Variants in DOCK8 observed in about 807,000 individuals in gnomAD.
DOCK8 encodes the protein dedicator of cytokinesis 8, also known as dedicator of cytokinesis protein 8.
A neutral mutation model predicts 245.6 loss-of-function variants in DOCK8; 141 were observed. The observed-to-expected ratio is 0.57, with a 90% CI of 0.50 to 0.66. DOCK8 has a LOEUF of 0.66. Among genes scored for constraint, DOCK8 ranks in the 30% least tolerant of loss-of-function variants. DOCK8 has a pLI of 0.00. For synonymous variants in DOCK8, 1,168 were observed against 970.2 expected, an observed-to-expected ratio of 1.20 and a Z score of -3.79; for missense variants, 2,965 against 2,603.4, an observed-to-expected ratio of 1.14 and a Z score of -3.02.
At chr9:263,500 C>T (rs559505) in intron 1 of DOCK8, among the ~76,000 whole-genome samples, 80,169 of 151,846 alleles carry the variant, frequency 0.53, 21,455 homozygotes, top group East Asian at 0.79. Flanking sequence ...ATTTATATTG[C>T]ACAGTCACTA....
At position 289,576 on chromosome 9, in the gene DOCK8, C is replaced by T; in HGVS notation, c.399C>T (p.Asn133=). The change falls in exon 4 of 48, where the codon AAC becomes AAT. Residue 133 remains asparagine, a synonymous_variant. Coordinates refer to ENST00000432829, the MANE Select transcript of DOCK8 (RefSeq NM_203447.4). ...ACATCCGTGAGTGGCTAATCGTGAA[C>T]CGGAAGTAAGTTACTTTTTTTCCAC... ...QTYIREWLIV[N]RKNQGSPEIC... 1 of 1,610,484 alleles carries T rather than the reference C, an allele frequency of 6.2e-7. No homozygotes were observed. The highest frequency in any genetic ancestry group is 8.5e-7 in the Non-Finnish European group (1 of 1,178,342).
chr9:216,650 C>T (rs2046762206), intron 1 of DOCK8, among the ~76,000 whole-genome samples: 1 of 150,690 alleles, frequency 6.6e-6, no homozygotes, highest in African/African-American at 2.4e-5. Flanking sequence ...AGGGGTAATT[C>T]ATTCAAGGAG....
chr9:351,565 A>C (rs66741088), intron 14 of DOCK8, among the ~76,000 whole-genome samples: 11,105 of 152,290 alleles, frequency 0.073, 568 homozygotes, highest in Non-Finnish European at 0.11. Context: ...CCCGGAATTA[A>C]GGCTGGGCTC....
At chr9:341,648 C>A (rs1342498799) in intron 14 of DOCK8, among the ~76,000 whole-genome samples, 1 of 152,198 alleles carries the variant, frequency 6.6e-6, no homozygotes, top group Non-Finnish European at 1.5e-5. Context: ...TGTGAACGCT[C>A]AATGGCATTA....
intron 1 of DOCK8, among the ~76,000 whole-genome samples, chr9:248,691 T>G (rs2047573114): frequency 6.6e-6 from 1 of 152,172 alleles, no homozygotes; most frequent in Non-Finnish European, 1.5e-5. Context: ...TGATGCCACC[T>G]TTAGATTCTC....
intron 30 of DOCK8, among the ~76,000 whole-genome samples, chr9:419,338 G>C (rs2056176371): frequency 6.6e-6 from 1 of 152,158 alleles, no homozygotes; most frequent in African/African-American, 2.4e-5. Context: ...TTTGAGATTT[G>C]ACATCACCGA....
chr9:282,519 G>C (rs909526957), intron 2 of DOCK8, among the ~76,000 whole-genome samples: 2 of 149,922 alleles, frequency 1.3e-5, no homozygotes, highest in African/African-American at 4.9e-5. Flanking sequence ...CCTGGGCTCA[G>C]TGTTTCTCCC....
At position 422,098 on chromosome 9, in the gene DOCK8, C is replaced by G; in HGVS notation, c.4204C>G (p.Gln1402Glu). The change falls in exon 33 of 48, where the codon CAG becomes GAG. Residue 1402 changes from glutamine (Q) to glutamate (E), a missense_variant. Gln to Glu is a conservative substitution (Grantham distance 29, BLOSUM62 2). This residue lies in a region of DOCK8 where 2,825 missense variants were observed against 2,453.5 expected (regional missense o/e 1.15). Coordinates refer to ENST00000432829, the MANE Select transcript of DOCK8 (RefSeq NM_203447.4). ...TGAAAATTTGAGATGGAAGAAAGAG[C>G]AGACACATTGGCGGCAAGCTAATGA... The part of the protein sequence containing the change: ...LNENLRWKKE[Q>E]THWRQANEKL... The G allele has an allele frequency of 6.2e-7, 1 of 1,614,124 alleles. No homozygotes were observed. Among genetic ancestry groups the G allele is most frequent in the Non-Finnish European group, 8.5e-7 (1 of 1,180,024 alleles).
intron 31 of DOCK8, 34 bp downstream of exon 31, chr9:420,617 C>G: frequency 6.2e-7 from 1 of 1,612,268 alleles, no homozygotes; most frequent in Non-Finnish European, 8.5e-7. Context: ...TATACCAGCT[C>G]TTATCTCTCA....
chr9:451,606 G>C (rs1341022179), intron 45 of DOCK8, among the ~76,000 whole-genome samples: 1 of 152,104 alleles, frequency 6.6e-6, no homozygotes, highest in African/African-American at 2.4e-5. Flanking sequence ...CTGGGTGATA[G>C]AGCGAGACCC....
At position 441,979 on chromosome 9, in the gene DOCK8, C is replaced by T; in HGVS notation, c.5460C>T (p.Thr1820=). ...QEFVYKEPAI[T]KLPEISHRLE... is the part of the protein sequence containing the mutation. The stretch of plus-strand genomic sequence containing the variant: ...TTGTCTACAAAGAGCCTGCAATTAC[C>T]AAGCTTCCTGAGATCTCACATAGAC... Residue 1820 remains threonine (T), a synonymous_variant, in exon 42 of 48, where the codon ACC becomes ACT. Transcript: ENST00000432829. 1 of 1,614,030 alleles carries T rather than the reference C, an allele frequency of 6.2e-7. No individual in the cohort carries two copies. Among genetic ancestry groups the T allele is most frequent in the Non-Finnish European group, 8.5e-7 (1 of 1,180,004 alleles).
intron 46 of DOCK8, chr9:452,510 A>G (rs1444435394): frequency 6.0e-6 from 1 of 165,524 alleles, no homozygotes; most frequent in Admixed American, 6.0e-5. Context: ...AGATAATTTT[A>G]CTTAAGGTCA....
At chr9:456,787 C>G (rs2057656993) in intron 46 of DOCK8, 1 of 152,138 alleles carries the variant, frequency 6.6e-6, no homozygotes, top group African/African-American at 2.4e-5. Flanking sequence ...TCTTCTGCTC[C>G]CCCAAACACC....
At position 464,266 on chromosome 9, in the gene DOCK8, G is replaced by A. The variant is rs971645618; in HGVS notation, c.*47G>A. 4 of 1,528,114 alleles carry A rather than the reference G, an allele frequency of 2.6e-6. No individual in the cohort carries two copies. In the African/African-American group the frequency reaches 4.1e-5, roughly 16 times the overall value. 94.7% of individuals were successfully genotyped at this position (1,528,114 alleles called of 1,614,324 possible). A position where few individuals can be genotyped will look rare whatever the true frequency, so the allele number is the denominator to read the frequency against. Reference sequence around the variant, plus strand: ...GAGACTGTGGCCCTGCAACCCTGGAGAAGGACTTGCTGGTACTTAAAAAAT... The same window carrying A: ...GAGACTGTGGCCCTGCAACCCTGGAAAAGGACTTGCTGGTACTTAAAAAAT... On this transcript the variant is annotated 3_prime_UTR_variant, in exon 48 of 48. Coordinates refer to ENST00000432829, the MANE Select transcript of DOCK8 (RefSeq NM_203447.4).
intron 14 of DOCK8, among the ~76,000 whole-genome samples, chr9:342,090 T>A (rs536169623): frequency 8.5e-5 from 13 of 152,228 alleles, no homozygotes; most frequent in African/African-American, 3.1e-4. Context: ...TGCAATGTAA[T>A]AATAATAGAA....
At chr9:444,116 A>G (rs10974488) in intron 43 of DOCK8, among the ~76,000 whole-genome samples, 14,171 of 151,980 alleles carry the variant, frequency 0.093, 895 homozygotes, top group African/African-American at 0.18. Context: ...ACAAGAGGGT[A>G]TGTTCCATTT....
Position 441,908 on chromosome 9 carries a change from G to T in DOCK8, c.5389G>T (p.Val1797Phe). Residue 1797 changes from valine (V) to phenylalanine (F), a missense_variant, in exon 42 of 48, where the codon GTT becomes TTT. This residue lies in a region of DOCK8 where 2,825 missense variants were observed against 2,453.5 expected (regional missense o/e 1.15). Transcript: ENST00000432829. ...HKRMFGTYFR[V>F]GFFGSKFGDL... ...GAGAATGTTTGGAACCTACTTCCGA[G>T]TTGGTTTCTTTGGATCCAAATTTGG... 6.2e-7 allele frequency: 1 copy of T among 1,614,148 alleles called. No homozygotes were observed. The highest frequency in any genetic ancestry group is 8.5e-7 in the Non-Finnish European group (1 of 1,180,028).
In DOCK8 at chr9:340,295, A is replaced by G. The variant is rs777901662; in HGVS notation, c.1653A>G (p.Glu551=). Residue 551 remains glutamate, a synonymous_variant, in exon 14 of 48, where the codon GAA becomes GAG. Transcript: ENST00000432829. ...AGATTTTGGAATTTCCAACACGAGAAGTATATGTCCCTCACACTGTGTACA... is the reference window on the plus strand; with the variant it reads ...AGATTTTGGAATTTCCAACACGAGAGGTATATGTCCCTCACACTGTGTACA... ...HKEILEFPTR[E]VYVPHTVYRN... The G allele has an allele frequency of 2.5e-6, 4 of 1,614,162 alleles. No individual in the cohort carries two copies. Among genetic ancestry groups the G allele is most frequent in the Non-Finnish European group, 3.4e-6 (4 of 1,180,014 alleles).
chr9:340,455 T>C (rs993083993), intron 14 of DOCK8, 134 bp downstream of exon 14: 15 of 1,118,318 alleles, frequency 1.3e-5, no homozygotes, highest in African/African-American at 6.2e-5. Flanking sequence ...ACCGTGTCTC[T>C]ACAACATATA....
Sources: gnomAD v4.1 joint callset for allele counts (sites outside exome capture counted in the v4.1 genomes callset) on GRCh38, gnomAD v4.1.1 for gene constraint, gnomAD v4.1.1 regional missense constraint, MANE v1.5 for transcripts, NCBI Gene and HGNC (gene_info 2026-07-23, HGNC 2026-07-21) for gene names.